The following CYB5R4 variants were observed in gnomAD, a reference collection of about 807,000 sequenced individuals.
The protein encoded by CYB5R4 is N-terminal cytochrome b5 and cytochrome b5 oxidoreductase domain-containing protein.
A neutral mutation model predicts 70.2 loss-of-function variants in CYB5R4; 55 were observed. The ratio of observed to expected loss-of-function variants is 0.78; its 90% CI spans 0.63 to 0.98. The LOEUF (loss-of-function observed/expected upper bound fraction) is 0.98, where lower values mean the gene tolerates loss of function less well. CYB5R4 is among the 50% of genes least tolerant of loss of function. CYB5R4 has a pLI of 0.00. For synonymous variants in CYB5R4, 197 were observed against 199.5 expected, an observed-to-expected ratio of 0.99 and a Z score of 0.11; for missense variants, 562 against 612.6, an observed-to-expected ratio of 0.92 and a Z score of 0.87.
chr6:83,926,765 G>A (rs2099467355), intron 10 of CYB5R4, among the ~76,000 whole-genome samples: 1 of 152,192 alleles, frequency 6.6e-6, no homozygotes, highest in Non-Finnish European at 1.5e-5. Flanking sequence ...ATGTGGGGAA[G>A]TGTCAGTCAT....
At position 83,938,997 on chromosome 6, in the gene CYB5R4, G is replaced by GCTAA. The variant is rs61756907; in HGVS notation, c.1109-1058_1109-1055dup. On this transcript the variant is annotated intron_variant, in intron 12 of 15. Coordinates refer to ENST00000369681, the MANE Select transcript of CYB5R4 (RefSeq NM_016230.4). ...TTACAGGCATGTGCCACCATGCCTG[G>GCTAA]CTAATTTTTTGTATTTTTAGTAGAG... Among the ~76,000 whole-genome samples, 650 of 152,026 alleles carry GCTAA rather than the reference G, an allele frequency of 4.3e-3. 6 individuals are homozygous for GCTAA. The highest frequency in any genetic ancestry group is 0.015 in the African/African-American group (621 of 41,464).
intron 2 of CYB5R4, among the ~76,000 whole-genome samples, chr6:83,892,537 G>A (rs2099461263): frequency 6.6e-6 from 1 of 152,144 alleles, no homozygotes; most frequent in African/African-American, 2.4e-5. Flanking sequence ...CCTTGGGAGA[G>A]CTGTGCATTG....
chr6:83,917,457 A>G (rs140102027), intron 5 of CYB5R4, among the ~76,000 whole-genome samples: 99 of 152,274 alleles, frequency 6.5e-4, no homozygotes, highest in African/African-American at 2.3e-3. Context: ...TAATAACTCC[A>G]AACTGGAAAC....
At chr6:83,903,174 A>G (rs890850640) in intron 3 of CYB5R4, among the ~76,000 whole-genome samples, 1 of 151,942 alleles carries the variant, frequency 6.6e-6, no homozygotes, top group Non-Finnish European at 1.5e-5. Context: ...ATGGCCTTTT[A>G]TTATTTTGAG....
intron 3 of CYB5R4, among the ~76,000 whole-genome samples, chr6:83,894,390 C>A (rs1213202896): frequency 6.6e-6 from 1 of 151,830 alleles, no homozygotes; most frequent in Non-Finnish European, 1.5e-5. Context: ...TTCGAGATAC[C>A]TGAATCAGGT....
At position 83,859,756 on chromosome 6, in the gene CYB5R4, G is replaced by T; in HGVS notation, c.-27G>T. On this transcript the variant is annotated 5_prime_UTR_variant, in exon 1 of 16. Coordinates refer to ENST00000369681, the MANE Select transcript of CYB5R4 (RefSeq NM_016230.4). ...CTGTCCCGTCTGGCGGCGATCCCCG[G>T]GCAGGGCCCGGGGCCGGGGTTTGAA... The T allele has an allele frequency of 6.2e-7, 1 of 1,611,106 alleles. No individual in the cohort carries two copies. Among genetic ancestry groups the T allele is most frequent in the African/African-American group, 1.3e-5 (1 of 74,994 alleles).
chr6:83,922,619 CTTTT>C (rs58965806), intron 9 of CYB5R4, 149 bp downstream of exon 9: 3 of 546,766 alleles, frequency 5.5e-6, no homozygotes, highest in Admixed American at 3.6e-5. Context: ...GATGTTTTCT[CTTTT>C]TTTTTTAAAC....
At chr6:83,873,912 T>C (rs1203079422) in intron 2 of CYB5R4, among the ~76,000 whole-genome samples, 1 of 152,100 alleles carries the variant, frequency 6.6e-6, no homozygotes, top group African/African-American at 2.4e-5. Flanking sequence ...ATGGGAACAT[T>C]ATTCCAGGCT....
chr6:83,914,890 A>G (rs564843593), intron 5 of CYB5R4, among the ~76,000 whole-genome samples: 1 of 151,380 alleles, frequency 6.6e-6, no homozygotes, highest in South Asian at 2.1e-4. Context: ...CCCAAACTTA[A>G]GAGTCTTTTG....
chr6:83,950,140 CTCTT>C (rs776599478), intron 14 of CYB5R4, among the ~76,000 whole-genome samples: 1 of 152,026 alleles, frequency 6.6e-6, no homozygotes, highest in Non-Finnish European at 1.5e-5. Context: ...TAGAATACTA[CTCTT>C]TCTATTTCAA....
chr6:83,929,484 T>G (rs1422159140), intron 10 of CYB5R4: 1 of 152,172 alleles, frequency 6.6e-6, no homozygotes. Context: ...AAACTTTCAT[T>G]TTTTACCTTC....
intron 6 of CYB5R4, 125 bp downstream of exon 6, chr6:83,918,190 G>T (rs902709585): frequency 2.2e-5 from 13 of 600,102 alleles, no homozygotes; most frequent in Admixed American, 5.5e-5. Flanking sequence ...TTTGACACAA[G>T]AACTGTAATG....
rs2099473638 is a variant in CYB5R4 at position 83,963,603 on chromosome 6, G to C, written c.*3725G>C. 1 of 152,148 alleles carries C rather than the reference G, an allele frequency of 6.6e-6. No individual in the cohort carries two copies. The highest frequency in any genetic ancestry group is 2.4e-5 in the African/African-American group (1 of 41,436). The allele number at this position is 152,148 out of a possible 1,614,324, so 9.4% of individuals were successfully genotyped here. On this transcript the variant is annotated 3_prime_UTR_variant, in exon 16 of 16. Transcript: ENST00000369681. ...TTCACCCAGCATTGCAAGTTTAGCA[G>C]ACCTCAAAACAGAATGCCAAAGTGA...
At position 83,907,023 on chromosome 6, in the gene CYB5R4, A is replaced by G. The variant is rs570058774; in HGVS notation, c.331-1986A>G. Among the ~76,000 whole-genome samples, 6 of 152,298 alleles carry G rather than the reference A, an allele frequency of 3.9e-5. No homozygotes were observed. The East Asian group carries it at 7.7e-4, about 20-fold the overall frequency. On this transcript the variant is annotated intron_variant, in intron 3 of 15. Coordinates refer to ENST00000369681, the MANE Select transcript of CYB5R4 (RefSeq NM_016230.4). ...TCCTGGTACCTACATCTTTATATACATGCAAATATTTTCTCAGGTAAATTC... is the reference window on the plus strand; with the variant it reads ...TCCTGGTACCTACATCTTTATATACGTGCAAATATTTTCTCAGGTAAATTC...
chr6:83,884,039 A>G (rs2099459877), intron 2 of CYB5R4, among the ~76,000 whole-genome samples: 1 of 151,972 alleles, frequency 6.6e-6, no homozygotes, highest in Non-Finnish European at 1.5e-5. Context: ...GGAAAGAGAA[A>G]CAGAGACATA....
At chr6:83,909,510 ACTT>A (rs1457890263) in intron 4 of CYB5R4, among the ~76,000 whole-genome samples, 7 of 152,096 alleles carry the variant, frequency 4.6e-5, no homozygotes, top group Admixed American at 1.3e-4. Context: ...CTTACTTTAA[ACTT>A]CTTCTAAAGT....
chr6:83,944,938 A>T (rs1295705353), intron 14 of CYB5R4, among the ~76,000 whole-genome samples: 3 of 152,230 alleles, frequency 2.0e-5, no homozygotes, highest in African/African-American at 7.2e-5. Flanking sequence ...GCAAGTTCTT[A>T]GAGACCTACG....
chr6:83,867,710 C>T (rs1183902044), intron 2 of CYB5R4, among the ~76,000 whole-genome samples: 1 of 152,186 alleles, frequency 6.6e-6, no homozygotes, highest in Non-Finnish European at 1.5e-5. Context: ...GTGCTTTAGT[C>T]AGGAGTAGGC....
chr6:83,907,338 C>G (rs1236845331), intron 3 of CYB5R4, among the ~76,000 whole-genome samples: 1 of 152,178 alleles, frequency 6.6e-6, no homozygotes, highest in Non-Finnish European at 1.5e-5. Context: ...CATCTGACAA[C>G]AAATACTGTC....
Sources: gnomAD v4.1 joint callset for allele counts (sites outside exome capture counted in the v4.1 genomes callset) on GRCh38, gnomAD v4.1.1 for gene constraint, MANE v1.5 for transcripts, NCBI Gene and HGNC (gene_info 2026-07-23, HGNC 2026-07-21) for gene names.